The following SLC2A9 variants were observed in gnomAD, a reference collection of about 807,000 sequenced individuals.
SLC2A9 encodes the protein solute carrier family 2 member 9.
In SLC2A9, 39 loss-of-function variants were observed where a neutral mutation model predicts 50.6. That is an observed-to-expected ratio of 0.77 (90% CI 0.60 to 1.01). SLC2A9 has a LOEUF of 1.01. SLC2A9 is among the 50% of genes least tolerant of loss of function. The pLI, the probability that SLC2A9 is intolerant of heterozygous loss-of-function variation, is 0.00. For missense variants in SLC2A9, 686 were observed against 677.6 expected (o/e 1.01, Z -0.14); for synonymous variants, 324 against 276.9 (o/e 1.17, Z -1.69).
chr4:9,841,996 G>C lies in SLC2A9; in HGVS notation c.1292-6988C>G, dbSNP rs79785876. Among the ~76,000 whole-genome samples, 147 of 152,272 alleles carry C rather than the reference G, an allele frequency of 9.7e-4. No individual in the cohort carries two copies. The East Asian group carries it at 0.014, about 14-fold the overall frequency. ...GGTCAGTGCTGTTTTCTAAAGAGTGGAGACAGAATCTCCTATGCTAGAATT... is the reference window on the plus strand; with the variant it reads ...GGTCAGTGCTGTTTTCTAAAGAGTGCAGACAGAATCTCCTATGCTAGAATT... On this transcript the variant is annotated intron_variant, in intron 10 of 11. Coordinates refer to ENST00000264784, the MANE Select transcript of SLC2A9 (RefSeq NM_020041.3).
intron 10 of SLC2A9, among the ~76,000 whole-genome samples, chr4:9,840,149 G>T (rs1227190154): frequency 2.0e-5 from 3 of 152,128 alleles, no homozygotes; most frequent in Non-Finnish European, 4.4e-5. Context: ...GTGACTCTGG[G>T]TAACTCCACA....
At chr4:9,857,516 C>T (rs1044971963) in intron 10 of SLC2A9, among the ~76,000 whole-genome samples, 4 of 152,210 alleles carry the variant, frequency 2.6e-5, no homozygotes, top group African/African-American at 7.2e-5. Flanking sequence ...ATCCACCTGC[C>T]GGCTGGCATC....
chr4:9,851,973 AAAGC>A (rs1459956801), intron 10 of SLC2A9, among the ~76,000 whole-genome samples: 1 of 152,254 alleles, frequency 6.6e-6, no homozygotes, highest in Non-Finnish European at 1.5e-5. Context: ...CAAGGGAGAG[AAAGC>A]AAGCAACTTG....
intron 3 of SLC2A9, among the ~76,000 whole-genome samples, chr4:9,994,558 CTTTT>C (rs1758289315): frequency 2.4e-5 from 3 of 125,422 alleles, no homozygotes; most frequent in Admixed American, 8.7e-5. Flanking sequence ...TTTTGCTTTC[CTTTT>C]CCTTTTTTTT....
intron 4 of SLC2A9, among the ~76,000 whole-genome samples, chr4:9,981,075 ATGATGGTAGTAG>A (rs1476497360): frequency 6.6e-6 from 1 of 150,852 alleles, no homozygotes; most frequent in Non-Finnish European, 1.5e-5. Flanking sequence ...GATGGTGATG[ATGATGGTAGTAG>A]TGATGGTAGT....
chr4:9,797,960 T>G (rs1324973744), downstream of SLC2A9, among the ~76,000 whole-genome samples: 1 of 152,226 alleles, frequency 6.6e-6, no homozygotes, highest in Non-Finnish European at 1.5e-5. Context: ...AGCCCAGTGC[T>G]TGGCATTCAG....
In SLC2A9 at chr4:9,970,509, G is replaced by C. The variant is rs117822964; in HGVS notation, c.681+10083C>G. ...GCACAGCCTGAAAACCACAGTTTCTGTCTGGGTGGGGAAAGCTTATAGCCT... is the reference window on the plus strand; with the variant it reads ...GCACAGCCTGAAAACCACAGTTTCTCTCTGGGTGGGGAAAGCTTATAGCCT... On this transcript the variant is annotated intron_variant, in intron 5 of 11. Transcript: ENST00000264784. 6.3e-4 allele frequency among the ~76,000 whole-genome samples: 96 copies of C among 152,266 alleles called. 2 individuals are homozygous for C. The East Asian group carries it at 0.018, about 28-fold the overall frequency.
intron 5 of SLC2A9, among the ~76,000 whole-genome samples, chr4:9,957,059 GAATGA>G (rs1372962363): frequency 1.3e-5 from 2 of 152,084 alleles, no homozygotes; most frequent in African/African-American, 4.8e-5. Flanking sequence ...GTGAGGGTGG[GAATGA>G]AAACAGAGTT....
chr4:9,787,407 G>T (rs1461654394), intron 3 of SLC2A9, among the ~76,000 whole-genome samples: 1 of 152,054 alleles, frequency 6.6e-6, no homozygotes, highest in Admixed American at 6.6e-5. Context: ...CTTGCAACAC[G>T]GTACAAAGAA....
At chr4:9,771,287 G>T in exon 2 of SLC2A9, 1 of 387,534 alleles carries the variant, frequency 2.6e-6, no homozygotes, top group East Asian at 3.6e-5. Flanking sequence ...TGTGATGCAG[G>T]TCAATGGGAG....
intron 3 of SLC2A9, among the ~76,000 whole-genome samples, chr4:9,791,384 G>A (rs1473855487): frequency 2.0e-5 from 3 of 152,168 alleles, no homozygotes; most frequent in African/African-American, 4.8e-5. Context: ...AGTTTCACAG[G>A]CTCTCAGATA....
chr4:9,810,285 GC>G (rs1394603894), intron 3 of SLC2A9, among the ~76,000 whole-genome samples: 2 of 152,012 alleles, frequency 1.3e-5, no homozygotes, highest in African/African-American at 4.8e-5. Context: ...GTGGTGAAGA[GC>G]CTCTTTCTGC....
chr4:9,965,662 T>C (rs992605118), intron 5 of SLC2A9, among the ~76,000 whole-genome samples: 8 of 152,214 alleles, frequency 5.3e-5, no homozygotes, highest in African/African-American at 1.7e-4. Context: ...AAAATCCCAA[T>C]TGAAAACATT....
At chr4:9,810,322 G>A (rs1482373078) in intron 3 of SLC2A9, among the ~76,000 whole-genome samples, 1 of 152,042 alleles carries the variant, frequency 6.6e-6, no homozygotes, top group Non-Finnish European at 1.5e-5. Context: ...TGTGACTGTG[G>A]GCAAGTCATT....
intron 11 of SLC2A9, among the ~76,000 whole-genome samples, 168 bp downstream of exon 11, chr4:9,834,713 G>C (rs959421027): frequency 6.6e-6 from 1 of 152,226 alleles, no homozygotes; most frequent in Non-Finnish European, 1.5e-5. Flanking sequence ...ACAGGAAAGA[G>C]AAAGGGATGA....
downstream of SLC2A9, among the ~76,000 whole-genome samples, chr4:9,775,955 C>A (rs1408145135): frequency 1.3e-5 from 2 of 152,122 alleles, no homozygotes; most frequent in Non-Finnish European, 2.9e-5. Context: ...GGGGGAAGAG[C>A]TCAGGGTCCT....
At chr4:9,809,477 A>G (rs1722567919) in intron 3 of SLC2A9, among the ~76,000 whole-genome samples, 1 of 152,174 alleles carries the variant, frequency 6.6e-6, no homozygotes, top group African/African-American at 2.4e-5. Context: ...TCTTGTGTGT[A>G]CTGGGGTGGA....
At chr4:9,969,369 A>G (rs1258467688) in intron 5 of SLC2A9, among the ~76,000 whole-genome samples, 1 of 152,188 alleles carries the variant, frequency 6.6e-6, no homozygotes, top group Non-Finnish European at 1.5e-5. Context: ...CTTTTATCCT[A>G]TTTTCAACTA....
chr4:9,895,868 T>C (rs1465879094), intron 8 of SLC2A9, among the ~76,000 whole-genome samples: 3 of 152,238 alleles, frequency 2.0e-5, no homozygotes, highest in African/African-American at 4.8e-5. Flanking sequence ...CGATCTGCTT[T>C]CCAGCACAAG....
Sources: gnomAD v4.1 joint callset for allele counts (sites outside exome capture counted in the v4.1 genomes callset) on GRCh38, gnomAD v4.1.1 for gene constraint, MANE v1.5 for transcripts, NCBI Gene and HGNC (gene_info 2026-07-23, HGNC 2026-07-21) for gene names.